Variants in ULK4 observed in about 807,000 individuals in gnomAD.
The protein encoded by ULK4 is unc-51 like kinase 4.
Under a neutral mutation model 160.6 loss-of-function variants are expected in ULK4, and 133 were observed. That is an observed-to-expected ratio of 0.83 (90% confidence interval 0.72 to 0.96). The LOEUF (loss-of-function observed/expected upper bound fraction) is 0.96. Ranked by LOEUF, ULK4 falls within the 40% of genes least tolerant of loss-of-function variation. ULK4 has a pLI of 0.00. For missense variants in ULK4, 1,580 were observed against 1,499.5 expected (o/e 1.05, Z -0.89); for synonymous variants, 534 against 539.8 (o/e 0.99, Z 0.15).
At chr3:41,531,632 ATAATT>A (rs1184725451) in intron 32 of ULK4, among the ~76,000 whole-genome samples, 1 of 152,214 alleles carries the variant, frequency 6.6e-6, no homozygotes, top group African/African-American at 2.4e-5. Flanking sequence ...TGGTATTACT[ATAATT>A]TAAACTTTAC....
At chr3:41,439,001 AAG>A (rs2083098690) in intron 34 of ULK4, among the ~76,000 whole-genome samples, 1 of 151,726 alleles carries the variant, frequency 6.6e-6, no homozygotes, top group Non-Finnish European at 1.5e-5. Context: ...AAAAAGGAAA[AAG>A]AAATAGGATC....
At chr3:41,289,614 C>T (rs1213558624) in intron 35 of ULK4, among the ~76,000 whole-genome samples, 1 of 152,120 alleles carries the variant, frequency 6.6e-6, no homozygotes. Flanking sequence ...CCCACAGAAC[C>T]CTGGGTTGAA....
chr3:41,740,194 AAAT>A (rs2038196878), intron 22 of ULK4, among the ~76,000 whole-genome samples: 1 of 151,876 alleles, frequency 6.6e-6, no homozygotes, highest in Non-Finnish European at 1.5e-5. Context: ...TAAGCAGAGA[AAAT>A]AATTTTTCCC....
chr3:41,724,150 A>G (rs2037566046), intron 22 of ULK4, among the ~76,000 whole-genome samples: 1 of 152,174 alleles, frequency 6.6e-6, no homozygotes, highest in African/African-American at 2.4e-5. Context: ...ATTCATCCAC[A>G]TTCTTTTTCA....
At chr3:41,628,689 T>C (rs559708450) in intron 30 of ULK4, among the ~76,000 whole-genome samples, 17 of 152,156 alleles carry the variant, frequency 1.1e-4, no homozygotes, top group Admixed American at 4.6e-4. Context: ...ATTTGGAAAA[T>C]GGGTGAAACT....
Position 41,306,131 on chromosome 3 carries a change from G to T in ULK4, c.3679-56557C>A, listed in dbSNP as rs1276302709. Reference sequence around the variant, plus strand: ...GCCACCCCGTCCGGGAGGGAGGTGGGGGGGGGGGGTCAGCCCCCCGCCAGG... The same window carrying T: ...GCCACCCCGTCCGGGAGGGAGGTGGTGGGGGGGGGTCAGCCCCCCGCCAGG... On this transcript the variant is annotated intron_variant, in intron 35 of 36. Coordinates refer to ENST00000301831, the MANE Select transcript of ULK4 (RefSeq NM_017886.4). 7.4e-5 allele frequency among the ~76,000 whole-genome samples: 4 copies of T among 54,124 alleles called. No homozygotes were observed. The East Asian group carries it at 8.3e-4, about 11-fold the overall frequency. 35.5% of individuals were successfully genotyped at this position (54,124 alleles called of 152,430 possible).
chr3:41,872,325 C>T (rs191929262), intron 17 of ULK4, among the ~76,000 whole-genome samples: 4 of 152,186 alleles, frequency 2.6e-5, no homozygotes, highest in Non-Finnish European at 5.9e-5. Flanking sequence ...CACAGGGTGT[C>T]GTTCAGCACA....
At chr3:41,808,580 G>C (rs966852670) in intron 19 of ULK4, among the ~76,000 whole-genome samples, 6 of 152,156 alleles carry the variant, frequency 3.9e-5, no homozygotes, top group African/African-American at 1.4e-4. Context: ...TTAAATCAAA[G>C]ACCTATTTCT....
chr3:41,420,475 C>CTT (rs1165381982), intron 34 of ULK4, among the ~76,000 whole-genome samples: 1,533 of 41,128 alleles, frequency 0.037, 290 homozygotes, highest in African/African-American at 0.11. Context: ...CCAGTTCTTT[C>CTT]TTTTTTTTTT....
intron 30 of ULK4, among the ~76,000 whole-genome samples, chr3:41,647,296 G>A (rs1001932086): frequency 6.6e-6 from 1 of 152,194 alleles, no homozygotes; most frequent in African/African-American, 2.4e-5. Context: ...CAGTTTTTCT[G>A]CTCTGTTTTT....
At chr3:41,939,648 CA>C (rs1699888840) in intron 2 of ULK4, among the ~76,000 whole-genome samples, 1 of 152,074 alleles carries the variant, frequency 6.6e-6, no homozygotes, top group Non-Finnish European at 1.5e-5. Flanking sequence ...GTAATCCCAA[CA>C]CTTTAGGAGG....
At chr3:41,299,204 T>C (rs2079732863) in intron 35 of ULK4, among the ~76,000 whole-genome samples, 1 of 152,198 alleles carries the variant, frequency 6.6e-6, no homozygotes, top group Non-Finnish European at 1.5e-5. Context: ...AAGCCTGGGC[T>C]ATCCTGCTGG....
intron 32 of ULK4, among the ~76,000 whole-genome samples, chr3:41,547,969 C>T (rs1417980920): frequency 6.6e-6 from 1 of 152,152 alleles, no homozygotes; most frequent in African/African-American, 2.4e-5. Context: ...CTGCCACCAA[C>T]AGCAACCCTG....
At chr3:41,517,953 T>C (rs1250591413) in intron 32 of ULK4, among the ~76,000 whole-genome samples, 1 of 152,224 alleles carries the variant, frequency 6.6e-6, no homozygotes, top group African/African-American at 2.4e-5. Flanking sequence ...CTACTCTAAA[T>C]ATTCCATGGC....
intron 34 of ULK4, among the ~76,000 whole-genome samples, chr3:41,410,567 T>C (rs1487531982): frequency 2.0e-5 from 3 of 152,190 alleles, no homozygotes; most frequent in Non-Finnish European, 2.9e-5. Flanking sequence ...TTGGGCATGA[T>C]GAAAATATTC....
chr3:41,730,680 T>A (rs1385453446), intron 22 of ULK4, among the ~76,000 whole-genome samples: 5 of 152,088 alleles, frequency 3.3e-5, no homozygotes, highest in African/African-American at 4.8e-5. Flanking sequence ...CTGAATACTG[T>A]CAAACATTTA....
intron 35 of ULK4, among the ~76,000 whole-genome samples, chr3:41,301,090 G>T (rs2129649): frequency 0.15 from 23,399 of 151,074 alleles, 2,176 homozygotes; most frequent in African/African-American, 0.25. Context: ...GGAGGCTGCT[G>T]TATTTCACTA....
At chr3:41,937,101 T>C (rs2148826669) in intron 3 of ULK4, 1 of 445,658 alleles carries the variant, frequency 2.2e-6, no homozygotes. Context: ...AAAGTAAAGT[T>C]TCTGCTGGCA....
intron 30 of ULK4, among the ~76,000 whole-genome samples, chr3:41,645,184 G>A (rs932068047): frequency 2.2e-4 from 30 of 134,794 alleles, no homozygotes; most frequent in South Asian, 4.2e-4. Context: ...TTTTTGTGTC[G>A]TATTTCCTTC....
Sources: gnomAD v4.1 joint callset for allele counts (sites outside exome capture counted in the v4.1 genomes callset) on GRCh38, gnomAD v4.1.1 for gene constraint, MANE v1.5 for transcripts, NCBI Gene and HGNC (gene_info 2026-07-23, HGNC 2026-07-21) for gene names.